The following NCOA6 variants were observed in gnomAD, a reference collection of about 807,000 sequenced individuals.
NCOA6 encodes the protein nuclear receptor coactivator 6, also known as NRC RAP250.
A neutral mutation model predicts 171.4 loss-of-function variants in NCOA6; 49 were observed. The observed-to-expected ratio is 0.29, with a 90% confidence interval of 0.23 to 0.36. NCOA6 has a LOEUF of 0.36. Among genes scored for constraint, NCOA6 ranks in the 10% least tolerant of loss-of-function variants. NCOA6 has a pLI of 1.00. For missense variants in NCOA6, 2,248 were observed against 2,554.5 expected, an observed-to-expected ratio of 0.88 and a Z score of 2.59; for synonymous variants, 910 against 927.5, an observed-to-expected ratio of 0.98 and a Z score of 0.34.
intron 1 of NCOA6, among the ~76,000 whole-genome samples, chr20:34,810,216 C>G (rs1237728978): frequency 6.6e-6 from 1 of 152,150 alleles, no homozygotes; most frequent in East Asian, 1.9e-4. Flanking sequence ...CTGAAAGATT[C>G]TAAGTAAGCA....
rs748845679 is a variant in NCOA6, at chr20:34,742,226, G to A, written c.4030C>T (p.Pro1344Ser). The A allele has an allele frequency of 6.2e-7, 1 of 1,614,182 alleles. No individual in the cohort carries two copies. The highest frequency in any genetic ancestry group is 8.5e-7 in the Non-Finnish European group (1 of 1,180,036). Reference sequence around the variant, plus strand: ...GGGGCTTTTGAATTTTGCCTCCCAGGGCTTGGAGTGGTTTTCCTACTGGAC... The same window carrying A: ...GGGGCTTTTGAATTTTGCCTCCCAGAGCTTGGAGTGGTTTTCCTACTGGAC... Reference protein sequence around the residue: ...PGSSRKTTPSPGRQNSKAPKL... With the variant: ...PGSSRKTTPSSGRQNSKAPKL... Residue 1344 changes from proline (P) to serine (S), a missense_variant, in exon 11 of 15, where the codon CCT becomes TCT. Physicochemically the swap from Pro to Ser is moderately conservative, Grantham distance 74 (BLOSUM62 -1). Around this residue, in one of 7 missense-constraint regions of NCOA6, gnomAD observed 884 missense variants for 941.9 expected, o/e 0.94. Coordinates refer to ENST00000359003, the MANE Select transcript of NCOA6 (RefSeq NM_014071.5).
intron 4 of NCOA6, 96 bp downstream of exon 4, chr20:34,776,195 CAA>C: frequency 6.9e-7 from 1 of 1,452,690 alleles, no homozygotes; most frequent in Non-Finnish European, 9.3e-7. Context: ...TTCTGAAACA[CAA>C]GAGCAGAGGA....
intron 2 of NCOA6, 108 bp from the exon 3 acceptor site, chr20:34,782,512 TA>T (rs762266761): frequency 2.4e-4 from 73 of 300,656 alleles, no homozygotes; most frequent in African/African-American, 1.3e-3. Flanking sequence ...GAAAATACTA[TA>T]AAAATTAAGA....
At chr20:34,754,926 T>C in intron 7 of NCOA6, 58 bp from the exon 8 acceptor site, 4 of 1,573,034 alleles carry the variant, frequency 2.5e-6, no homozygotes, top group Admixed American at 1.7e-5. Flanking sequence ...CTTGCTTAGA[T>C]ATGGAATGAA....
At chr20:34,785,517 T>C (rs1035372156) in intron 2 of NCOA6, among the ~76,000 whole-genome samples, 1 of 151,486 alleles carries the variant, frequency 6.6e-6, no homozygotes, top group Admixed American at 6.6e-5. Context: ...TTGATTGCCA[T>C]CTGCATTTTA....
chr20:34,778,953 C>A (rs2077430569), intron 3 of NCOA6, among the ~76,000 whole-genome samples: 1 of 106,638 alleles, frequency 9.4e-6, no homozygotes, highest in Non-Finnish European at 1.8e-5. Flanking sequence ...AGCAAGACTC[C>A]GTTTCAAAAA....
intron 14 of NCOA6, among the ~76,000 whole-genome samples, chr20:34,724,279 A>G (rs1989709695): frequency 6.6e-6 from 1 of 152,190 alleles, no homozygotes; most frequent in African/African-American, 2.4e-5. Context: ...CAGCAGGCTG[A>G]GTATGGTGAT....
chr20:34,731,232 G>T (rs1986110), intron 13 of NCOA6, among the ~76,000 whole-genome samples: 74,157 of 151,452 alleles, frequency 0.49, 18,597 homozygotes, highest in Admixed American at 0.62. Context: ...TTTGGCCAGG[G>T]TGGTATCGAA....
At position 34,743,217 on chromosome 20, in the gene NCOA6, CTGCTGCTGAGGCAGTTGTGGCTGT is replaced by C. The variant is rs760756163; in HGVS notation, c.3015_3038del (p.Gln1008_Pro1015del). 6.2e-7 allele frequency: 1 copy of C among 1,614,046 alleles called. No homozygotes were observed. On this transcript the variant is annotated inframe_deletion, in exon 11 of 15. Coordinates refer to ENST00000359003, the MANE Select transcript of NCOA6 (RefSeq NM_014071.5). The stretch of plus-strand genomic sequence containing the variant: ...GTGGCTGACTGGGAGGTGGTGGCTG[CTGCTGCTGAGGCAGTTGTGGCTGT>C]GGCTGCTGCTGTGGTGGCTGTGGTG...
At chr20:34,752,820 C>T (rs2076528330) in intron 8 of NCOA6, among the ~76,000 whole-genome samples, 1 of 149,712 alleles carries the variant, frequency 6.7e-6, no homozygotes, top group South Asian at 2.1e-4. Flanking sequence ...GAAGCTGAAA[C>T]AGAAAAACGC....
intron 14 of NCOA6, among the ~76,000 whole-genome samples, chr20:34,718,612 TCTCCTGCCTCAGC>T (rs1323558317): frequency 6.6e-6 from 1 of 152,056 alleles, no homozygotes; most frequent in African/African-American, 2.4e-5. Flanking sequence ...TTCAAGCAAT[TCTCCTGCCTCAGC>T]CTCCCTAGTA....
intron 3 of NCOA6, among the ~76,000 whole-genome samples, chr20:34,780,231 T>C (rs1463119441): frequency 6.6e-6 from 1 of 152,266 alleles, no homozygotes; most frequent in Non-Finnish European, 1.5e-5. Context: ...GAAAAATCCA[T>C]ATTCATAACA....
At chr20:34,747,745 C>A (rs1271816741) in intron 9 of NCOA6, among the ~76,000 whole-genome samples, 2 of 152,160 alleles carry the variant, frequency 1.3e-5, no homozygotes, top group Non-Finnish European at 1.5e-5. Flanking sequence ...ACTTTAAAAG[C>A]CTCCCAGCAA....
rs113308271 is a variant in NCOA6 at position 34,768,490 on chromosome 20, G to A, written c.488C>T (p.Ala163Val). ...MGAGNSVRME[A>V]GFPMASGPGI... The stretch of plus-strand genomic sequence containing the variant: ...TGGACCACTTGCCATAGGAAATCCC[G>A]CCTCCATCCTAACTGAATTTCCAGC... Residue 163 changes from alanine (A) to valine (V), a missense_variant, in exon 5 of 15, where the codon GCG (alanine) becomes GTG (valine). By Grantham distance (64) the Ala-to-Val change is moderately conservative. Around this residue, in one of 7 missense-constraint regions of NCOA6, gnomAD observed 987 missense variants for 1,104.7 expected, o/e 0.89. Transcript: ENST00000359003. 2.4e-5 allele frequency: 39 copies of A among 1,614,044 alleles called. No homozygotes were observed. The highest frequency in any genetic ancestry group is 1.5e-4 in the Admixed American group (9 of 60,012).
At chr20:34,753,497 C>T (rs915838059) in intron 8 of NCOA6, among the ~76,000 whole-genome samples, 3 of 151,512 alleles carry the variant, frequency 2.0e-5, no homozygotes, top group Non-Finnish European at 2.9e-5. Context: ...CCCGTCTCTA[C>T]TAAAAATACA....
In NCOA6 at chr20:34,750,255, G is replaced by A. The variant is rs780862910; in HGVS notation, c.1940C>T (p.Pro647Leu). 1 of 1,610,642 alleles carries A rather than the reference G, an allele frequency of 6.2e-7. No individual in the cohort carries two copies. Among genetic ancestry groups the A allele is most frequent in the Admixed American group, 1.7e-5 (1 of 59,748 alleles). The change falls in exon 9 of 15, where the codon CCT becomes CTT. Residue 647 changes from proline to leucine, a missense_variant. Transcript: ENST00000359003. ...QQQGTLNPQN[P>L]MILSRAQLMP... ...AAGCTGGGCCCTTGAAAGGATCATA[G>A]GGTTCTGAGGGTTCAAGGTTCCTTG...
At chr20:34,774,052 C>T (rs955430808) in intron 4 of NCOA6, among the ~76,000 whole-genome samples, 1 of 152,182 alleles carries the variant, frequency 6.6e-6, no homozygotes, top group Admixed American at 6.5e-5. Context: ...CTTGCTAGTA[C>T]TCATGTTTAA....
chr20:34,792,343 A>C (rs2146335719), intron 2 of NCOA6, 107 bp downstream of exon 2: 1 of 386,866 alleles, frequency 2.6e-6, no homozygotes, highest in East Asian at 3.7e-5. Flanking sequence ...AGAATAATAA[A>C]TGCATTCTAC....
rs1288574581 is a variant in NCOA6, at chr20:34,727,196, GCTGTGGTAAGAA to G, written c.6148+51_6148+62del. ...ATGATGAAGGACAAAGTCTTCTACT[GCTGTGGTAAGAA>G]CTCTATTCCTCTATTTGACCCACAA... On this transcript the variant is annotated intron_variant, in intron 14 of 14. Coordinates refer to ENST00000359003, the MANE Select transcript of NCOA6 (RefSeq NM_014071.5). 4 of 1,551,596 alleles carry G rather than the reference GCTGTGGTAAGAA, an allele frequency of 2.6e-6. No homozygotes were observed. In the East Asian group the frequency reaches 9.0e-5, roughly 35 times the overall value.
Sources: allele counts gnomAD v4.1 joint callset (sites outside exome capture counted in the v4.1 genomes callset), GRCh38; gene constraint gnomAD v4.1.1; regional missense constraint gnomAD v4.1.1; transcripts MANE v1.5; gene names NCBI Gene and HGNC (gene_info 2026-07-23, HGNC 2026-07-21).